RGPD2: variants seen among roughly 807,000 people sequenced by gnomAD.
The protein encoded by RGPD2 is RANBP2 like and GRIP domain containing 2.
A neutral mutation model predicts 36.0 loss-of-function variants in RGPD2; 2 were observed. That is an observed-to-expected ratio of 0.06 (90% CI 0.02 to 0.17). The LOEUF is 0.17. Among genes scored for constraint, RGPD2 ranks in the 10% least tolerant of loss-of-function variants. RGPD2 has a pLI of 1.00. For missense variants in RGPD2, 40 were observed against 464.3 expected (o/e 0.09, Z 8.40); for synonymous variants, 19 against 163.8 (o/e 0.12, Z 6.75).
intron 1 of RGPD2, among the ~76,000 whole-genome samples, chr2:87,824,225 T>C (rs1216524144): frequency 6.6e-6 from 1 of 151,238 alleles, no homozygotes; most frequent in Non-Finnish European, 1.5e-5. Context: ...TTTCACCATG[T>C]TGGTCAGGCT....
upstream of RGPD2, chr2:87,825,824 C>G (rs1285254336): frequency 2.1e-6 from 3 of 1,430,342 alleles, no homozygotes; most frequent in Non-Finnish European, 2.8e-6. Context: ...AAGCCACTGA[C>G]GTAGCCGGCG....
chr2:87,975,153 C>A, the RGPD2 span, among the ~76,000 whole-genome samples: 1 of 151,858 alleles, frequency 6.6e-6, no homozygotes, highest in Admixed American at 6.6e-5. Context: ...TATATGGATG[C>A]TCTTTCCTCA....
At chr2:87,958,962 CGTTT>C in the RGPD2 span, among the ~76,000 whole-genome samples, 31 of 122,362 alleles carry the variant, frequency 2.5e-4, no homozygotes, top group African/African-American at 8.2e-4. Flanking sequence ...TAGTTTGTTT[CGTTT>C]GTTTGTTAAC....
the RGPD2 span, among the ~76,000 whole-genome samples, chr2:87,877,927 T>C: frequency 6.6e-6 from 1 of 151,508 alleles, no homozygotes; most frequent in African/African-American, 2.4e-5. Flanking sequence ...CCTTTGTAGG[T>C]GACCTGGACT....
At chr2:87,849,070 A>AT in the RGPD2 span, among the ~76,000 whole-genome samples, 1 of 152,258 alleles carries the variant, frequency 6.6e-6, no homozygotes, top group Admixed American at 6.5e-5. Flanking sequence ...CAGCATGTAT[A>AT]TTGTCTTCAC....
chr2:87,961,609 C>A, the RGPD2 span, among the ~76,000 whole-genome samples: 284 of 145,984 alleles, frequency 1.9e-3, 1 homozygote, highest in Middle Eastern at 0.042. Context: ...GGCTGAGGCA[C>A]GAGAATCGCT....
the RGPD2 span, among the ~76,000 whole-genome samples, chr2:87,893,513 A>T: frequency 7.4e-6 from 1 of 134,454 alleles, no homozygotes; most frequent in Non-Finnish European, 1.6e-5. Context: ...AATAAAGCTT[A>T]TAAGGGGCTT....
At chr2:87,878,055 A>G in the RGPD2 span, among the ~76,000 whole-genome samples, 2 of 151,690 alleles carry the variant, frequency 1.3e-5, no homozygotes, top group Non-Finnish European at 2.9e-5. Context: ...GCATTTCCTG[A>G]ATTTGAATAT....
the RGPD2 span, among the ~76,000 whole-genome samples, chr2:87,895,157 C>CTAA: frequency 6.6e-6 from 1 of 152,154 alleles, no homozygotes; most frequent in South Asian, 2.1e-4. Context: ...GAACAGAAGG[C>CTAA]TAATGCTTAT....
At chr2:87,965,540 CCTTT>C in the RGPD2 span, among the ~76,000 whole-genome samples, 5 of 152,242 alleles carry the variant, frequency 3.3e-5, no homozygotes, top group Admixed American at 3.3e-4. Context: ...ACTGAGAATT[CCTTT>C]CTTACTTACT....
the RGPD2 span, among the ~76,000 whole-genome samples, chr2:87,934,534 C>T: frequency 1.5e-3 from 231 of 149,550 alleles, 2 homozygotes; most frequent in African/African-American, 5.6e-3. Context: ...TGTTACAATA[C>T]ATTTCATTAA....
intron 20 of RGPD2, among the ~76,000 whole-genome samples, chr2:87,775,489 G>GGT (rs1305820725): frequency 3.3e-5 from 5 of 152,096 alleles, no homozygotes; most frequent in African/African-American, 1.2e-4. Context: ...AGGCGGGGTA[G>GGT]GTATCATTAT....
At chr2:87,940,637 T>TGTGG in the RGPD2 span, among the ~76,000 whole-genome samples, 1 of 142,100 alleles carries the variant, frequency 7.0e-6, no homozygotes, top group Non-Finnish European at 1.5e-5. Context: ...TCTGTTTGTG[T>TGTGG]GTGTGTGTGT....
the RGPD2 span, among the ~76,000 whole-genome samples, chr2:87,883,318 CA>C: frequency 4.6e-5 from 7 of 150,878 alleles, no homozygotes; most frequent in East Asian, 1.4e-3. Context: ...TAACAAAACA[CA>C]AAAGAATAAA....
At chr2:87,769,773 T>C (rs1685070930) in intron 22 of RGPD2, among the ~76,000 whole-genome samples, 1 of 150,328 alleles carries the variant, frequency 6.7e-6, no homozygotes, top group African/African-American at 2.4e-5. Flanking sequence ...TTTTGAGATT[T>C]CTGTCTTGTT....
chr2:87,837,019 A>G, the RGPD2 span, among the ~76,000 whole-genome samples: 1 of 152,128 alleles, frequency 6.6e-6, no homozygotes, highest in African/African-American at 2.4e-5. Context: ...TTTCAATTCA[A>G]AAATATGTGA....
chr2:87,875,879 G>C, the RGPD2 span, among the ~76,000 whole-genome samples: 353 of 114,584 alleles, frequency 3.1e-3, no homozygotes, highest in East Asian at 9.3e-3. Flanking sequence ...TTTATTAGTG[G>C]CTTTATTTTA....
At chr2:87,877,804 CAAAAAAAAAAAAAAAAAAA>C in the RGPD2 span, among the ~76,000 whole-genome samples, 1 of 84,418 alleles carries the variant, frequency 1.2e-5, no homozygotes, top group African/African-American at 4.6e-5. Flanking sequence ...GACTCCGTCT[CAAAAAAAAAAAAAAAAAAA>C]AAAAAAAAAA....
chr2:87,906,768 A>G, the RGPD2 span, among the ~76,000 whole-genome samples: 1 of 149,840 alleles, frequency 6.7e-6, no homozygotes, highest in Non-Finnish European at 1.5e-5. Flanking sequence ...ACATAATAAT[A>G]ACCTGTAATC....
Sources: gnomAD v4.1 joint callset for allele counts (sites outside exome capture counted in the v4.1 genomes callset) on GRCh38, gnomAD v4.1.1 for gene constraint, MANE v1.5 for transcripts, NCBI Gene and HGNC (gene_info 2026-07-23, HGNC 2026-07-21) for gene names.